Variants in SLC39A10 observed in about 807,000 individuals in gnomAD.
The protein encoded by SLC39A10 is solute carrier family 39 member 10, also known as zinc transporter ZIP10.
Under a neutral mutation model 65.1 loss-of-function variants are expected in SLC39A10, and 13 were observed. The ratio of observed to expected loss-of-function variants is 0.20; its 90% CI spans 0.13 to 0.32. The LOEUF (loss-of-function observed/expected upper bound fraction) is 0.32, where lower values mean the gene tolerates loss of function less well. Among genes scored for constraint, SLC39A10 ranks in the 10% least tolerant of loss-of-function variants. SLC39A10 has a pLI of 1.00. For synonymous variants in SLC39A10, 321 were observed against 342.2 expected (o/e 0.94, Z 0.68); for missense variants, 831 against 1,018.4 (o/e 0.82, Z 2.50).
intron 1 of SLC39A10, among the ~76,000 whole-genome samples, chr2:195,660,212 G>A (rs368177269): frequency 1.1e-4 from 16 of 152,068 alleles, no homozygotes; most frequent in African/African-American, 3.9e-4. Flanking sequence ...TTTATATAGT[G>A]CTTACCTCAG....
At chr2:195,636,659 A>G (rs1007009118) in intron 2 of SLC39A10, among the ~76,000 whole-genome samples, 4 of 152,198 alleles carry the variant, frequency 2.6e-5, no homozygotes, top group African/African-American at 4.8e-5. Context: ...AGGCTGAGGC[A>G]GGAGAATGGC....
chr2:195,629,309 G>A (rs1272760266), intron 2 of SLC39A10, among the ~76,000 whole-genome samples: 1 of 150,308 alleles, frequency 6.7e-6, no homozygotes, highest in Non-Finnish European at 1.5e-5. Context: ...CAGGAGAATC[G>A]CTTGAACCCG....
intron 1 of SLC39A10, among the ~76,000 whole-genome samples, chr2:195,676,189 C>T (rs559797796): frequency 6.6e-5 from 10 of 151,976 alleles, no homozygotes; most frequent in African/African-American, 2.2e-4. Flanking sequence ...TCCCCCTCCC[C>T]TGCCGCCACC....
Position 195,734,922 on chromosome 2 carries a change from C to T in SLC39A10, c.2377C>T (p.His793Tyr), listed in dbSNP as rs199860777. ...MLHGDGDNEEHGFCPVGQFIL... is the reference protein window; with the variant it reads ...MLHGDGDNEEYGFCPVGQFIL... ...GCATGGTGATGGTGACAATGAAGAA[C>T]ATGGCTTTTGTCCTGTGGGGCAATT... Residue 793 changes from histidine (H) to tyrosine (Y), a missense_variant, in exon 10 of 10, where the codon CAT becomes TAT. His to Tyr is a moderately conservative substitution (Grantham distance 83, BLOSUM62 2). Coordinates refer to ENST00000359634, the MANE Select transcript of SLC39A10 (RefSeq NM_020342.3). The T allele has an allele frequency of 3.7e-6, 6 of 1,610,642 alleles. No individual in the cohort carries two copies. The African/African-American group carries it at 8.0e-5, about 22-fold the overall frequency.
rs1287598150 is a variant in SLC39A10 at position 195,729,949 on chromosome 2, C to T, written c.2337+1600C>T. Among the ~76,000 whole-genome samples, 11 of 149,278 alleles carry T rather than the reference C, an allele frequency of 7.4e-5. No homozygotes were observed. In the East Asian group the frequency reaches 2.2e-3, roughly 29 times the overall value. ...GAGTAGCTGGGACCATGGGTGCACA[C>T]CACCATGCCTAATTTTTTTTTTTTT... On this transcript the variant is annotated intron_variant, in intron 9 of 9. Transcript: ENST00000359634.
rs1187760228 is a variant in SLC39A10, at chr2:195,728,243, T to C, written c.2231T>C (p.Ile744Thr). The C allele has an allele frequency of 7.4e-6, 12 of 1,614,062 alleles. No homozygotes were observed. The highest frequency in any genetic ancestry group is 1.7e-5 in the Admixed American group (1 of 60,032). Residue 744 changes from isoleucine to threonine, a missense_variant, in exon 9 of 10, where the codon ATA (isoleucine) becomes ACA (threonine). Transcript: ENST00000359634. The surrounding 1 kb of genome is among the most constrained non-coding windows in gnomAD (Gnocchi z 4.4). ...CTCCTCTCTGCCATGATGGCTTACA[T>C]AGGCATGCTCATAGGCACAGCTGTT... is the stretch of plus-strand genomic sequence containing the variant. ...YNLLSAMMAY[I>T]GMLIGTAVGQ...
At chr2:195,726,874 G>C (rs1044694935) in intron 8 of SLC39A10, among the ~76,000 whole-genome samples, 1 of 152,138 alleles carries the variant, frequency 6.6e-6, no homozygotes, top group African/African-American at 2.4e-5. Context: ...ATCGCACCTT[G>C]CATATGCTGA....
chr2:195,626,849 T>C (rs989848857), intron 2 of SLC39A10, among the ~76,000 whole-genome samples: 1 of 152,174 alleles, frequency 6.6e-6, no homozygotes, highest in African/African-American at 2.4e-5. Flanking sequence ...TTTTTCTATA[T>C]AGAGTTCCTC....
At position 195,716,737 on chromosome 2, in the gene SLC39A10, A is replaced by G. The variant is rs1429644191; in HGVS notation, c.1797A>G (p.Ile599Met). Residue 599 changes from isoleucine (I) to methionine (M), a missense_variant, in exon 7 of 10, where the codon ATA (isoleucine) becomes ATG (methionine). Coordinates refer to ENST00000359634, the MANE Select transcript of SLC39A10 (RefSeq NM_020342.3). Reference protein sequence around the residue: ...QESPPKNYLCIEEEKIIDHSH... With the variant: ...QESPPKNYLCMEEEKIIDHSH... ...CCCCTCCTAAAAATTACCTTTGTAT[A>G]GAAGAGGAGAAAATCATAGACCATT... The G allele has an allele frequency of 5.0e-6, 8 of 1,614,100 alleles. No homozygotes were observed. The African/African-American group carries it at 9.3e-5, about 19-fold the overall frequency.
chr2:195,632,369 G>A (rs1028007650), intron 2 of SLC39A10, among the ~76,000 whole-genome samples: 3 of 131,920 alleles, frequency 2.3e-5, no homozygotes, highest in Non-Finnish European at 4.6e-5. Context: ...GTGCCATCTC[G>A]GCTCACTGCA....
At chr2:195,639,417 C>T (rs1688757845) in intron 2 of SLC39A10, among the ~76,000 whole-genome samples, 1 of 152,152 alleles carries the variant, frequency 6.6e-6, no homozygotes, top group Admixed American at 6.5e-5. Flanking sequence ...CATGATTTAT[C>T]ATTGTTGATG....
intron 2 of SLC39A10, among the ~76,000 whole-genome samples, chr2:195,646,907 A>G (rs757978987): frequency 3.9e-5 from 6 of 152,030 alleles, no homozygotes; most frequent in Non-Finnish European, 8.8e-5. Context: ...TCTGTGGAAA[A>G]AGTGTCTTCT....
intron 1 of SLC39A10, among the ~76,000 whole-genome samples, chr2:195,664,367 T>TAA (rs148569238): frequency 6.6e-6 from 1 of 150,960 alleles, no homozygotes; most frequent in East Asian, 1.9e-4. Context: ...GCTTTTCTTT[T>TAA]AAAAAAAAAT....
Position 195,680,800 on chromosome 2 carries a change from C to A in SLC39A10, c.758C>A (p.Pro253His). 1 of 1,614,074 alleles carries A rather than the reference C, an allele frequency of 6.2e-7. No individual in the cohort carries two copies. Among genetic ancestry groups the A allele is most frequent in the Non-Finnish European group, 8.5e-7 (1 of 1,180,002 alleles). ...GAGGTTATTACACCAGGTTTTCCCC[C>A]TAACCATGATCAGGGTGAACAGTAT... ...NSEVITPGFP[P>H]NHDQGEQYEH... The change falls in exon 2 of 10, where the codon CCT (proline) becomes CAT (histidine). Residue 253 changes from proline (P) to histidine (H), a missense_variant. Coordinates refer to ENST00000359634, the MANE Select transcript of SLC39A10 (RefSeq NM_020342.3).
In SLC39A10 at chr2:195,736,283, T is replaced by C. The variant is rs1304745757; in HGVS notation, c.*1242T>C. On this transcript the variant is annotated 3_prime_UTR_variant, in exon 10 of 10. Transcript: ENST00000359634. ...TTCTCCTACCATAATTGTGAATGAT[T>C]TGTGAGAAGTGCAAGCCATGTTTAT... 1.9e-5 allele frequency: 3 copies of C among 160,354 alleles called. No individual in the cohort carries two copies. The highest frequency in any genetic ancestry group is 7.2e-5 in the African/African-American group (3 of 41,432). The allele number at this position is 160,354 out of a possible 1,614,324, so 9.9% of individuals were successfully genotyped here.
At chr2:195,666,271 T>A (rs1450732415) in intron 1 of SLC39A10, among the ~76,000 whole-genome samples, 1 of 152,240 alleles carries the variant, frequency 6.6e-6, no homozygotes, top group African/African-American at 2.4e-5. Flanking sequence ...TGGAGATTTT[T>A]TGATTATTTT....
chr2:195,674,523 C>T (rs565834274), intron 1 of SLC39A10: 646 of 930,104 alleles, frequency 6.9e-4, no homozygotes, highest in Non-Finnish European at 7.8e-4. Context: ...GTGATCCACC[C>T]GCCTCGGCCT....
At position 195,735,128 on chromosome 2, in the gene SLC39A10, GA is replaced by G; in HGVS notation, c.*90del. The G allele has an allele frequency of 7.3e-7, 1 of 1,368,026 alleles. No homozygotes were observed. Among genetic ancestry groups the G allele is most frequent in the East Asian group, 2.6e-5 (1 of 39,166 alleles). The allele number at this position is 1,368,026 out of a possible 1,614,324, so 84.7% of individuals were successfully genotyped here. On this transcript the variant is annotated 3_prime_UTR_variant, in exon 10 of 10. Coordinates refer to ENST00000359634, the MANE Select transcript of SLC39A10 (RefSeq NM_020342.3). ...TGTACTGTATGCACATTGCTCAAAG[GA>G]AAGTCAGTGGCTTGCACTACTTACA...
intron 1 of SLC39A10, among the ~76,000 whole-genome samples, chr2:195,662,392 C>G (rs925730719): frequency 3.3e-5 from 5 of 151,774 alleles, no homozygotes; most frequent in African/African-American, 1.2e-4. Context: ...CCTCATCCTT[C>G]CTAGTAGCTG....
Sources: allele counts gnomAD v4.1 joint callset (sites outside exome capture counted in the v4.1 genomes callset), GRCh38; gene constraint gnomAD v4.1.1; non-coding constraint Gnocchi (gnomAD v3.1); transcripts MANE v1.5; gene names NCBI Gene and HGNC (gene_info 2026-07-23, HGNC 2026-07-21).